COL5A1: variants seen among roughly 807,000 people sequenced by gnomAD.
COL5A1 encodes collagen type V alpha 1 chain.
In COL5A1, 16 loss-of-function variants were observed where a neutral mutation model predicts 263.7. The ratio of observed to expected loss-of-function variants is 0.06; its 90% CI spans 0.04 to 0.09. The LOEUF is 0.09. COL5A1 is among the 10% of genes least tolerant of loss of function. COL5A1 has a pLI of 1.00. For synonymous variants in COL5A1, 1,012 were observed against 1,004.5 expected (o/e 1.01, Z -0.14); for missense variants, 2,036 against 2,540.5 (o/e 0.80, Z 4.27).
Position 134,642,242 on chromosome 9 carries a change from C to A in COL5A1, c.55C>A (p.Leu19Met). 1 of 1,288,696 alleles carries A rather than the reference C, an allele frequency of 7.8e-7. No homozygotes were observed. The highest frequency in any genetic ancestry group is 9.9e-7 in the Non-Finnish European group (1 of 1,013,132). 79.8% of individuals were successfully genotyped at this position (1,288,696 alleles called of 1,614,324 possible). Reference sequence around the variant, plus strand: ...CAGCGCGCTCCGCCCGGGCGCCCCGCTGCTGCCCCCGCTGCTGCTGCTGCT... The same window carrying A: ...CAGCGCGCTCCGCCCGGGCGCCCCGATGCTGCCCCCGCTGCTGCTGCTGCT... The part of the protein sequence containing the change: ...ARSALRPGAP[L>M]LPPLLLLLLW... The change falls in exon 1 of 66, where the codon CTG becomes ATG. Residue 19 changes from leucine (L) to methionine (M), a missense_variant. By Grantham distance (15) the Leu-to-Met change is conservative. Coordinates refer to ENST00000371817, the MANE Select transcript of COL5A1 (RefSeq NM_000093.5). This position sits in a 1 kb window ranked among gnomAD's most constrained non-coding sequence, Gnocchi z 4.5.
Position 134,727,046 on chromosome 9 carries a change from CGGAT to C in COL5A1, c.655-189_655-186del, listed in dbSNP as rs71381829. Among the ~76,000 whole-genome samples, 31,237 of 103,048 alleles carry C rather than the reference CGGAT, an allele frequency of 0.3. 3,451 individuals are homozygous for C. The highest frequency in any genetic ancestry group is 0.59 in the East Asian group (2,098 of 3,550). The allele number at this position is 103,048 out of a possible 152,430, so 67.6% of individuals were successfully genotyped here. A position where few individuals can be genotyped will look rare whatever the true frequency, so the allele number is the denominator to read the frequency against. ...ATGGATGGGTAGATGGATGAGTGAA[CGGAT>C]GGATGGATGGATGGATGGATGGATG... On this transcript the variant is annotated intron_variant, in intron 4 of 65. Transcript: ENST00000371817.
chr9:134,780,557 G>A (rs1837214058), intron 28 of COL5A1, among the ~76,000 whole-genome samples: 1 of 152,146 alleles, frequency 6.6e-6, no homozygotes, highest in African/African-American at 2.4e-5. Flanking sequence ...GTTCATCCCT[G>A]GGCAGCCCAA....
Position 134,715,632 on chromosome 9 carries a change from G to A in COL5A1, c.655-11634G>A, listed in dbSNP as rs139216687. On this transcript the variant is annotated intron_variant, in intron 4 of 65. Coordinates refer to ENST00000371817, the MANE Select transcript of COL5A1 (RefSeq NM_000093.5). The stretch of plus-strand genomic sequence containing the variant: ...TGTGTCCCTAGGTACTTGAGATTAA[G>A]GAGTGGTGATGACTTTTAACAAGCA... 2.1e-3 allele frequency among the ~76,000 whole-genome samples: 322 copies of A among 152,326 alleles called. 4 individuals are homozygous for A. Among genetic ancestry groups the A allele is most frequent in the South Asian group, 0.013 (61 of 4,826 alleles).
chr9:134,701,716 C>T (rs1271248340), intron 4 of COL5A1, among the ~76,000 whole-genome samples: 1 of 152,196 alleles, frequency 6.6e-6, no homozygotes, highest in Non-Finnish European at 1.5e-5. Flanking sequence ...GGCAGCTGTC[C>T]TCTGGGTGAG....
intron 44 of COL5A1, among the ~76,000 whole-genome samples, chr9:134,810,708 T>C (rs1363616118): frequency 6.6e-6 from 1 of 152,222 alleles, no homozygotes; most frequent in Non-Finnish European, 1.5e-5. Context: ...TCAGAAATCC[T>C]AGTGGGTTCT....
chr9:134,784,381 T>G (rs1316314022), intron 29 of COL5A1, among the ~76,000 whole-genome samples: 1 of 152,236 alleles, frequency 6.6e-6, no homozygotes, highest in Non-Finnish European at 1.5e-5. Flanking sequence ...GACTCTGCCG[T>G]AGCGCTACCA....
intron 9 of COL5A1, among the ~76,000 whole-genome samples, chr9:134,736,126 A>G (rs1159186888): frequency 2.0e-5 from 3 of 152,232 alleles, no homozygotes; most frequent in Non-Finnish European, 2.9e-5. Context: ...CCTGGTACCC[A>G]GCACCTCTGG....
At chr9:134,776,911 C>T (rs1291912202) in intron 27 of COL5A1, among the ~76,000 whole-genome samples, 1 of 152,198 alleles carries the variant, frequency 6.6e-6, no homozygotes, top group East Asian at 1.9e-4. Context: ...GGGACGAGCA[C>T]CCTGGGGCCT....
At chr9:134,730,884 C>A (rs1160653829) in intron 7 of COL5A1, among the ~76,000 whole-genome samples, 1 of 152,054 alleles carries the variant, frequency 6.6e-6, no homozygotes, top group Non-Finnish European at 1.5e-5. Flanking sequence ...ACAAATACAG[C>A]GAAGCAGGAG....
intron 8 of COL5A1, 30 bp downstream of exon 8, chr9:134,731,693 G>A (rs1465385261): frequency 1.3e-6 from 2 of 1,591,540 alleles, no homozygotes; most frequent in Non-Finnish European, 1.7e-6. Context: ...CGTTCCGGGT[G>A]GGGTTGGGGG....
intron 2 of COL5A1, among the ~76,000 whole-genome samples, chr9:134,693,559 C>T (rs950083171): frequency 6.6e-6 from 1 of 152,146 alleles, no homozygotes; most frequent in South Asian, 2.1e-4. Context: ...GCAGGGCTGT[C>T]TACGGAGTCC....
intron 9 of COL5A1, among the ~76,000 whole-genome samples, chr9:134,732,820 A>G (rs1834947203): frequency 6.6e-6 from 1 of 152,190 alleles, no homozygotes; most frequent in Admixed American, 6.5e-5. Flanking sequence ...GCCCTGCCCC[A>G]TACTGGGGTG....
chr9:134,701,065 G>A (rs1408161938), intron 3 of COL5A1, 106 bp from the exon 4 acceptor site: 21 of 1,161,776 alleles, frequency 1.8e-5, no homozygotes, highest in East Asian at 4.9e-5. Context: ...CACCACGATC[G>A]TGCAGGAAGT....
Position 134,752,615 on chromosome 9 carries a change from G to A in COL5A1, c.1689G>A (p.Pro563=), listed in dbSNP as rs754570106. The A allele has an allele frequency of 5.6e-6, 9 of 1,613,500 alleles. No individual in the cohort carries two copies. Among genetic ancestry groups the A allele is most frequent in the Non-Finnish European group, 1.7e-6 (2 of 1,179,720 alleles). The change falls in exon 14 of 66, where the codon CCG becomes CCA. Residue 563 remains proline (P), a synonymous_variant. Transcript: ENST00000371817. ...TGGCACTGAGGGGACCAGCTGGCCC[G>A]ATGGGTCTCACAGGGAGACCTGGCC... ...ARLALRGPAG[P]MGLTGRPGPV... is the part of the protein sequence containing the mutation.
chr9:134,644,913 G>C (rs1014290897), intron 1 of COL5A1, among the ~76,000 whole-genome samples: 1 of 152,164 alleles, frequency 6.6e-6, no homozygotes, highest in Non-Finnish European at 1.5e-5. Flanking sequence ...GTATCAAATG[G>C]TTAAATTTCC....
chr9:134,761,221 G>C (rs978783196), intron 18 of COL5A1, among the ~76,000 whole-genome samples: 2 of 134,606 alleles, frequency 1.5e-5, no homozygotes, highest in African/African-American at 6.0e-5. Context: ...GCATACACAT[G>C]CACACACCCC....
chr9:134,667,440 G>A (rs1832394140), intron 1 of COL5A1, among the ~76,000 whole-genome samples: 1 of 152,174 alleles, frequency 6.6e-6, no homozygotes, highest in African/African-American at 2.4e-5. Context: ...TTTGGTCACT[G>A]GTGCTCAGCA....
intron 62 of COL5A1, among the ~76,000 whole-genome samples, chr9:134,825,487 C>A (rs536718132): frequency 6.6e-6 from 1 of 152,270 alleles, no homozygotes; most frequent in Non-Finnish European, 1.5e-5. Flanking sequence ...CCTTCCAGAA[C>A]CCTCTCTGCA....
Position 134,750,868 on chromosome 9 carries a change from C to T in COL5A1, c.1648C>T (p.Leu550Phe). ...SAQESQAQAI[L>F]QQARLALRGP... is the part of the protein sequence containing the mutation. ...CCAGGAGTCCCAGGCGCAAGCCATT[C>T]TCCAGCAGGCCAGGGTGAGTACTGC... The change falls in exon 13 of 66, where the codon CTC (leucine) becomes TTC (phenylalanine). Residue 550 changes from leucine (L) to phenylalanine (F), a missense_variant. This residue lies in a region of COL5A1 where 1,078 missense variants were observed against 1,521.4 expected (regional missense o/e 0.71). Transcript: ENST00000371817. The T allele has an allele frequency of 6.2e-7, 1 of 1,613,184 alleles. No homozygotes were observed. Among genetic ancestry groups the T allele is most frequent in the African/African-American group, 1.3e-5 (1 of 75,058 alleles).
Sources: allele counts gnomAD v4.1 joint callset (sites outside exome capture counted in the v4.1 genomes callset), GRCh38; gene constraint gnomAD v4.1.1; regional missense constraint gnomAD v4.1.1; non-coding constraint Gnocchi (gnomAD v3.1); transcripts MANE v1.5; gene names NCBI Gene and HGNC (gene_info 2026-07-23, HGNC 2026-07-21).